Variants in PALM2AKAP2 observed in about 807,000 individuals in gnomAD.
PALM2AKAP2 encodes the protein PALM2-AKAP2 fusion protein.
PALM2AKAP2 carries 37 observed loss-of-function variants against 71.5 expected under a neutral mutation model. The observed-to-expected ratio is 0.52, with a 90% CI of 0.40 to 0.68. The LOEUF is 0.68. Among genes scored for constraint, PALM2AKAP2 ranks in the 30% least tolerant of loss-of-function variants. The pLI, the probability that PALM2AKAP2 is intolerant of heterozygous loss-of-function variation, is 0.00. For missense variants in PALM2AKAP2, 1,224 were observed against 1,191.8 expected, an observed-to-expected ratio of 1.03 and a Z score of -0.40; for synonymous variants, 468 against 478.8, an observed-to-expected ratio of 0.98 and a Z score of 0.29.
chr9:110,011,014 A>AAAAAATAT (rs35212981), intron 6 of PALM2AKAP2, among the ~76,000 whole-genome samples: 137 of 69,530 alleles, frequency 2.0e-3, no homozygotes, highest in African/African-American at 3.5e-3. Flanking sequence ...AAAAAAAAAA[A>AAAAAATAT]ATATATATAT....
intron 2 of PALM2AKAP2, among the ~76,000 whole-genome samples, chr9:110,144,356 C>T (rs1587856678): frequency 1.3e-5 from 2 of 152,356 alleles, no homozygotes; most frequent in African/African-American, 4.8e-5. Context: ...TTATTGTCCA[C>T]CACCATATTT....
chr9:109,734,508 T>C (rs1828601155), intron 1 of PALM2AKAP2, among the ~76,000 whole-genome samples: 1 of 152,232 alleles, frequency 6.6e-6, no homozygotes, highest in South Asian at 2.1e-4. Context: ...GTCTAGTGTC[T>C]ACCACATTGA....
intron 6 of PALM2AKAP2, among the ~76,000 whole-genome samples, chr9:109,949,171 G>A (rs1392689142): frequency 1.3e-5 from 2 of 152,176 alleles, no homozygotes; most frequent in East Asian, 3.9e-4. Flanking sequence ...TCTCATATAA[G>A]CCTGCAAAAT....
chr9:109,721,702 C>A (rs1226532742), intron 1 of PALM2AKAP2, among the ~76,000 whole-genome samples: 3 of 152,234 alleles, frequency 2.0e-5, no homozygotes, highest in African/African-American at 7.2e-5. Flanking sequence ...GCCCCCCACA[C>A]CCGCTTCTTT....
intron 1 of PALM2AKAP2, among the ~76,000 whole-genome samples, chr9:109,834,775 A>G (rs904780293): frequency 1.3e-5 from 2 of 152,196 alleles, no homozygotes; most frequent in African/African-American, 4.8e-5. Context: ...TTACAGCTGC[A>G]AAAACTGAGT....
intron 3 of PALM2AKAP2, among the ~76,000 whole-genome samples, chr9:109,881,131 C>G (rs558725952): frequency 1.3e-5 from 2 of 152,132 alleles, no homozygotes; most frequent in African/African-American, 4.8e-5. Context: ...TGAGAACATG[C>G]AGTATTTGGT....
At chr9:110,054,313 C>T (rs555603073) in intron 1 of PALM2AKAP2, among the ~76,000 whole-genome samples, 16 of 152,098 alleles carry the variant, frequency 1.1e-4, no homozygotes, top group Non-Finnish European at 2.1e-4. Context: ...GCAGGAGGAT[C>T]GCTTGAACCC....
chr9:109,943,464 T>C, intron 6 of PALM2AKAP2: 1 of 1,556,456 alleles, frequency 6.4e-7, no homozygotes, highest in South Asian at 1.2e-5. Flanking sequence ...CAGCCTGTAC[T>C]CTCCACCACT....
chr9:109,815,852 G>A (rs1827838989), intron 1 of PALM2AKAP2, among the ~76,000 whole-genome samples: 1 of 151,410 alleles, frequency 6.6e-6, no homozygotes, highest in African/African-American at 2.5e-5. Context: ...TTAAGAAGAG[G>A]AAGTCTAAAT....
At chr9:109,994,491 A>G (rs924616087) in intron 6 of PALM2AKAP2, among the ~76,000 whole-genome samples, 2 of 152,224 alleles carry the variant, frequency 1.3e-5, no homozygotes, top group Non-Finnish European at 2.9e-5. Flanking sequence ...TGAAAACTAC[A>G]TAACTAATAT....
chr9:109,864,050 G>A (rs1171015261), intron 1 of PALM2AKAP2, among the ~76,000 whole-genome samples: 2 of 149,960 alleles, frequency 1.3e-5, no homozygotes, highest in Admixed American at 1.3e-4. Context: ...AACAGACTGA[G>A]ACTCTGTCTC....
intron 1 of PALM2AKAP2, among the ~76,000 whole-genome samples, chr9:109,768,808 C>A (rs913192100): frequency 2.0e-5 from 3 of 152,088 alleles, no homozygotes; most frequent in Non-Finnish European, 4.4e-5. Context: ...ATAGTCAGCA[C>A]CATGTAAGTG....
At chr9:110,129,183 A>G (rs1835680172) in intron 1 of PALM2AKAP2, among the ~76,000 whole-genome samples, 1 of 152,222 alleles carries the variant, frequency 6.6e-6, no homozygotes, top group Non-Finnish European at 1.5e-5. Flanking sequence ...ATACGTCTCC[A>G]GAGAGTTAAC....
chr9:110,101,727 C>G (rs1835005777), intron 1 of PALM2AKAP2, among the ~76,000 whole-genome samples: 3 of 152,214 alleles, frequency 2.0e-5, no homozygotes, highest in African/African-American at 4.8e-5. Context: ...CAGCCTGAAA[C>G]CATCTGCAGC....
intron 1 of PALM2AKAP2, among the ~76,000 whole-genome samples, chr9:109,830,246 C>T (rs188398910): frequency 5.5e-4 from 84 of 152,262 alleles, no homozygotes; most frequent in Non-Finnish European, 9.6e-4. Context: ...TGATTATAGA[C>T]GATTTTTACT....
At chr9:109,939,385 GAT>G (rs10532202) in intron 6 of PALM2AKAP2, among the ~76,000 whole-genome samples, 14,552 of 152,192 alleles carry the variant, frequency 0.096, 845 homozygotes, top group East Asian at 0.17. Flanking sequence ...GAGGGAGAGG[GAT>G]ATCTGTAAAC....
At chr9:110,068,781 C>G (rs1834142423) in intron 1 of PALM2AKAP2, among the ~76,000 whole-genome samples, 1 of 151,398 alleles carries the variant, frequency 6.6e-6, no homozygotes, top group Non-Finnish European at 1.5e-5. Flanking sequence ...GATCCTCCTG[C>G]CTTGGCCTCC....
chr9:109,973,213 A>T (rs1446394709), intron 6 of PALM2AKAP2, among the ~76,000 whole-genome samples: 1 of 152,248 alleles, frequency 6.6e-6, no homozygotes, highest in Non-Finnish European at 1.5e-5. Flanking sequence ...GGAGCAGTTG[A>T]TCTGGTAGAA....
intron 1 of PALM2AKAP2, among the ~76,000 whole-genome samples, chr9:109,764,720 G>T (rs1829121605): frequency 6.6e-6 from 1 of 152,060 alleles, no homozygotes; most frequent in African/African-American, 2.4e-5. Flanking sequence ...GTGGATGGAT[G>T]GATGAATGGA....
Sources: allele counts gnomAD v4.1 joint callset (sites outside exome capture counted in the v4.1 genomes callset), GRCh38; gene constraint gnomAD v4.1.1; transcripts MANE v1.5; gene names NCBI Gene and HGNC (gene_info 2026-07-23, HGNC 2026-07-21).